Variants in ARHGAP20 observed in about 807,000 individuals in gnomAD.
ARHGAP20 encodes the protein Rho GTPase activating protein 20.
A neutral mutation model predicts 73.7 loss-of-function variants in ARHGAP20; 34 were observed. The observed-to-expected ratio is 0.46, with a 90% CI of 0.35 to 0.61. The LOEUF (loss-of-function observed/expected upper bound fraction) is 0.61. Ranked by LOEUF, ARHGAP20 falls within the 20% of genes least tolerant of loss-of-function variation. ARHGAP20 has a pLI of 0.00. For synonymous variants in ARHGAP20, 523 were observed against 518.2 expected (o/e 1.01, Z -0.13); for missense variants, 1,314 against 1,420.9 (o/e 0.92, Z 1.21).
intron 2 of ARHGAP20, among the ~76,000 whole-genome samples, chr11:110,660,664 G>C (rs1300012928): frequency 1.3e-5 from 2 of 152,100 alleles, no homozygotes; most frequent in Non-Finnish European, 2.9e-5. Flanking sequence ...TCTCCGCAAA[G>C]TCATTCCTCT....
chr11:110,584,379 A>G (rs1431995254), intron 12 of ARHGAP20, among the ~76,000 whole-genome samples: 2 of 4,540 alleles, frequency 4.4e-4, no homozygotes, highest in East Asian at 8.6e-3. Context: ...AATGACTACT[A>G]TTATCCCAAA....
At chr11:110,603,988 C>A (rs1948165566) in intron 9 of ARHGAP20, among the ~76,000 whole-genome samples, 1 of 152,142 alleles carries the variant, frequency 6.6e-6, no homozygotes, top group Admixed American at 6.5e-5. Flanking sequence ...GAATTCACTT[C>A]TCACTCATTA....
At chr11:110,662,214 A>C (rs540978574) in intron 2 of ARHGAP20, among the ~76,000 whole-genome samples, 19 of 151,972 alleles carry the variant, frequency 1.3e-4, no homozygotes, top group African/African-American at 4.3e-4. Flanking sequence ...AAGGAGAAAA[A>C]ACAGTATTGA....
At position 110,582,492 on chromosome 11, in the gene ARHGAP20, C is replaced by T. The variant is rs146908835; in HGVS notation, c.1606-57G>A. On this transcript the variant is annotated intron_variant, in intron 13 of 14. Transcript: ENST00000683387. ...TTTCATATTACATGTTTATAAATCA[C>T]ATTTCATATATAAATCCTGATTTTT... 1.5e-4 allele frequency: 167 copies of T among 1,139,734 alleles called. 1 individual carries two copies. In the African/African-American group the frequency reaches 2.3e-3, roughly 16 times the overall value. 70.6% of individuals were successfully genotyped at this position (1,139,734 alleles called of 1,614,324 possible).
At chr11:110,666,488 G>A (rs1349032641) in intron 2 of ARHGAP20, among the ~76,000 whole-genome samples, 1 of 152,146 alleles carries the variant, frequency 6.6e-6, no homozygotes, top group African/African-American at 2.4e-5. Flanking sequence ...GGTCATATTG[G>A]CATGAAGAAC....
intron 9 of ARHGAP20, among the ~76,000 whole-genome samples, chr11:110,594,305 C>T (rs941314487): frequency 6.6e-6 from 1 of 152,156 alleles, no homozygotes; most frequent in African/African-American, 2.4e-5. Context: ...CTCTGCACTC[C>T]CAGTTCAGAA....
At chr11:110,676,175 C>T (rs1233019089) in intron 2 of ARHGAP20, among the ~76,000 whole-genome samples, 3 of 152,172 alleles carry the variant, frequency 2.0e-5, no homozygotes, top group South Asian at 2.1e-4. Flanking sequence ...CACATAAATA[C>T]AGCAAGTGGA....
At chr11:110,703,703 C>T (rs974308336) in intron 1 of ARHGAP20, among the ~76,000 whole-genome samples, 49 of 152,078 alleles carry the variant, frequency 3.2e-4, no homozygotes, top group Admixed American at 2.6e-3. Flanking sequence ...ATGCAGGATT[C>T]TGGAGCATCA....
At chr11:110,584,881 GTGAATGTAAAAA>G (rs1565421257) in intron 12 of ARHGAP20, among the ~76,000 whole-genome samples, 4 of 150,278 alleles carry the variant, frequency 2.7e-5, no homozygotes, top group Non-Finnish European at 3.0e-5. Flanking sequence ...GAATATATAT[GTGAATGTAAAAA>G]TGAATATATG....
In ARHGAP20 at chr11:110,577,833, A is replaced by AAAAT; in HGVS notation, c.*1533_*1536dup. 1 of 985,764 alleles carries AAAAT rather than the reference A, an allele frequency of 1.0e-6. No individual in the cohort carries two copies. Among genetic ancestry groups the AAAAT allele is most frequent in the Non-Finnish European group, 1.2e-6 (1 of 829,830 alleles). 61.1% of individuals were successfully genotyped at this position (985,764 alleles called of 1,614,324 possible). On this transcript the variant is annotated 3_prime_UTR_variant, in exon 15 of 15. Transcript: ENST00000683387. The stretch of plus-strand genomic sequence containing the variant: ...TGAAATAACTTCTTCTATCTTAGAG[A>AAAAT]AAATATTTTTTCCCCTATAACTGAA...
Position 110,577,598 on chromosome 11 carries a change from A to G in ARHGAP20, c.*1772T>C, listed in dbSNP as rs1565413771. On this transcript the variant is annotated 3_prime_UTR_variant, in exon 15 of 15. Coordinates refer to ENST00000683387, the MANE Select transcript of ARHGAP20 (RefSeq NM_001384657.1). ...AAAGGGGAGTCCCTGCTGACTTTAT[A>G]TATTATACCAAAAAAGATGCATATG... The G allele has an allele frequency of 1.0e-6, 1 of 986,382 alleles. No homozygotes were observed. Among genetic ancestry groups the G allele is most frequent in the Admixed American group, 6.1e-5 (1 of 16,286 alleles). 61.1% of individuals were successfully genotyped at this position (986,382 alleles called of 1,614,324 possible). A position where few individuals can be genotyped will look rare whatever the true frequency, so the allele number is the denominator to read the frequency against.
chr11:110,650,113 C>G (rs1949316406), intron 2 of ARHGAP20, among the ~76,000 whole-genome samples: 1 of 152,100 alleles, frequency 6.6e-6, no homozygotes, highest in Admixed American at 6.6e-5. Flanking sequence ...CAATGTGCTA[C>G]TTAGCACTTA....
At chr11:110,610,488 G>A (rs1391460556) in intron 7 of ARHGAP20, among the ~76,000 whole-genome samples, 1 of 152,216 alleles carries the variant, frequency 6.6e-6, no homozygotes, top group Non-Finnish European at 1.5e-5. Flanking sequence ...TCTCACTCAA[G>A]GAATAGTGTT....
intron 2 of ARHGAP20, among the ~76,000 whole-genome samples, chr11:110,641,198 G>A (rs1053096851): frequency 4.6e-5 from 7 of 152,126 alleles, no homozygotes; most frequent in Middle Eastern, 3.4e-3. Context: ...AAACATAAAC[G>A]TTAAGTAAGT....
chr11:110,590,928 T>C, intron 10 of ARHGAP20, 119 bp from the exon 11 acceptor site: 1 of 1,022,356 alleles, frequency 9.8e-7, no homozygotes, highest in East Asian at 2.8e-5. Flanking sequence ...ACTGAAGGAT[T>C]GGAGCTAAAT....
chr11:110,702,255 C>A lies in ARHGAP20; in HGVS notation c.105+9872G>T, dbSNP rs577671245. Among the ~76,000 whole-genome samples the A allele has an allele frequency of 1.3e-4, 20 of 152,192 alleles. 1 individual carries two copies. The South Asian group carries it at 4.1e-3, about 32-fold the overall frequency. ...TATACGCAAATCAATAAATTTAATC[C>A]AGCATATAAACAGAACCAAAGACAA... On this transcript the variant is annotated intron_variant, in intron 1 of 14. Transcript: ENST00000683387.
intron 2 of ARHGAP20, among the ~76,000 whole-genome samples, chr11:110,648,211 ATATATATATG>A (rs1190429055): frequency 6.9e-4 from 43 of 62,428 alleles, no homozygotes; most frequent in Non-Finnish European, 7.8e-4. Flanking sequence ...ATATATGTAA[ATATATATATG>A]TATATATATA....
chr11:110,705,936 T>C (rs1310816689), intron 1 of ARHGAP20, among the ~76,000 whole-genome samples: 1 of 152,184 alleles, frequency 6.6e-6, no homozygotes, highest in African/African-American at 2.4e-5. Context: ...ATCTGCCTTA[T>C]ACAAAACATC....
At chr11:110,602,175 A>G (rs1948126804) in intron 9 of ARHGAP20, among the ~76,000 whole-genome samples, 1 of 152,024 alleles carries the variant, frequency 6.6e-6, no homozygotes, top group Non-Finnish European at 1.5e-5. Flanking sequence ...TGACCCTGTT[A>G]CATCTTGACT....
Sources: allele counts gnomAD v4.1 joint callset (sites outside exome capture counted in the v4.1 genomes callset), GRCh38; gene constraint gnomAD v4.1.1; transcripts MANE v1.5; gene names NCBI Gene and HGNC (gene_info 2026-07-23, HGNC 2026-07-21).